Variants in CSMD2 observed in about 807,000 individuals in gnomAD.
The protein encoded by CSMD2 is CUB and sushi domain-containing protein 2.
CSMD2 carries 130 observed loss-of-function variants against 398.5 expected under a neutral mutation model. That is an observed-to-expected ratio of 0.33 (90% CI 0.28 to 0.38). The LOEUF (loss-of-function observed/expected upper bound fraction) is 0.38, where lower values mean the gene tolerates loss of function less well. Among genes scored for constraint, CSMD2 ranks in the 10% least tolerant of loss-of-function variants. The pLI, the probability that CSMD2 is intolerant of heterozygous loss-of-function variation, is 1.00. For synonymous variants in CSMD2, 1,828 were observed against 1,908.5 expected, an observed-to-expected ratio of 0.96 and a Z score of 1.10; for missense variants, 3,829 against 4,764.9, an observed-to-expected ratio of 0.80 and a Z score of 5.78.
chr1:33,658,097 C>G lies in CSMD2; in HGVS notation c.4296G>C (p.Gln1432His). Residue 1432 changes from glutamine to histidine, a missense_variant, in exon 27 of 71, where the codon CAG (glutamine) becomes CAC (histidine). By Grantham distance (24) the Gln-to-His change is conservative. Around this residue, in one of 5 missense-constraint regions of CSMD2, gnomAD observed 2,001 missense variants for 2,567.1 expected, o/e 0.78. Coordinates refer to ENST00000373381, the MANE Select transcript of CSMD2 (RefSeq NM_001281956.2). ...ATSCNDPGIP[Q>H]NGSRSGDSWE... ...AACTGTCACCACTCCGACTCCCATT[C>G]TGCGGGATCCCAGGGTCATTGCAGG... The G allele has an allele frequency of 6.2e-7, 1 of 1,614,220 alleles. No individual in the cohort carries two copies. The highest frequency in any genetic ancestry group is 8.5e-7 in the Non-Finnish European group (1 of 1,180,040).
chr1:33,565,428 C>T (rs767493457), intron 53 of CSMD2, among the ~76,000 whole-genome samples: 5 of 151,924 alleles, frequency 3.3e-5, no homozygotes, highest in Non-Finnish European at 7.4e-5. Context: ...GGACACACAA[C>T]CTCTTCCTTA....
chr1:34,006,569 C>G (rs1570785975), intron 3 of CSMD2, among the ~76,000 whole-genome samples: 2 of 149,164 alleles, frequency 1.3e-5, no homozygotes, highest in East Asian at 2.3e-4. Flanking sequence ...TTATCAAACA[C>G]TTCATTGTTT....
intron 5 of CSMD2, among the ~76,000 whole-genome samples, chr1:33,916,122 T>G (rs185756261): frequency 2.0e-5 from 3 of 152,314 alleles, no homozygotes; most frequent in Non-Finnish European, 2.9e-5. Context: ...AGACCTTGTA[T>G]ATTTTGGAGG....
intron 25 of CSMD2, among the ~76,000 whole-genome samples, chr1:33,664,998 A>G (rs555762415): frequency 1.1e-4 from 16 of 152,026 alleles, no homozygotes; most frequent in African/African-American, 3.6e-4. Flanking sequence ...TTACGAAAAT[A>G]CTCCCCCATC....
chr1:33,990,485 C>T (rs1414614349), intron 3 of CSMD2, among the ~76,000 whole-genome samples: 1 of 152,024 alleles, frequency 6.6e-6, no homozygotes, highest in African/African-American at 2.4e-5. Context: ...CATTACTCTC[C>T]CCTCACCCCA....
chr1:33,846,738 C>T (rs1311343723), intron 6 of CSMD2, 146 bp downstream of exon 6: 2 of 454,456 alleles, frequency 4.4e-6, no homozygotes, highest in Non-Finnish European at 3.9e-6. Context: ...TGCAAATCTG[C>T]AGACCTCTGG....
intron 5 of CSMD2, among the ~76,000 whole-genome samples, chr1:33,896,976 T>G (rs1642431913): frequency 1.4e-4 from 20 of 146,510 alleles, no homozygotes; most frequent in East Asian, 6.0e-4. Flanking sequence ...AGAGGGAGGG[T>G]AGGAGAAGGT....
At chr1:34,038,698 C>A (rs537758941) in intron 2 of CSMD2, among the ~76,000 whole-genome samples, 25 of 152,310 alleles carry the variant, frequency 1.6e-4, no homozygotes, top group African/African-American at 1.9e-4. Flanking sequence ...TCCAGCCCCC[C>A]AGTCTTCTTT....
At chr1:33,722,411 G>T (rs1299322346) in intron 19 of CSMD2, among the ~76,000 whole-genome samples, 1 of 152,228 alleles carries the variant, frequency 6.6e-6, no homozygotes, top group Non-Finnish European at 1.5e-5. Flanking sequence ...AATGTCAGCA[G>T]TCAATAGCAT....
Position 33,633,167 on chromosome 1 carries a change from G to T in CSMD2, c.5200+255C>A, listed in dbSNP as rs1642569544. ...AAGAAAAAAAGTTGCATCTGAATACGAACCAACAGGAGAAGGCTACACCAC... is the reference window on the plus strand; with the variant it reads ...AAGAAAAAAAGTTGCATCTGAATACTAACCAACAGGAGAAGGCTACACCAC... On this transcript the variant is annotated intron_variant, in intron 32 of 70. Coordinates refer to ENST00000373381, the MANE Select transcript of CSMD2 (RefSeq NM_001281956.2). The surrounding 1 kb of genome is among the most constrained non-coding windows in gnomAD (Gnocchi z 5.0). Among the ~76,000 whole-genome samples, 1 of 152,130 alleles carries T rather than the reference G, an allele frequency of 6.6e-6. No individual in the cohort carries two copies. Among genetic ancestry groups the T allele is most frequent in the Non-Finnish European group, 1.5e-5 (1 of 68,018 alleles).
chr1:33,725,611 T>G, intron 16 of CSMD2, 75 bp from the exon 17 acceptor site: 1 of 1,419,664 alleles, frequency 7.0e-7, no homozygotes, highest in Non-Finnish European at 9.9e-7. Context: ...AAGCCCTGCC[T>G]GACCCAGGGC....
chr1:34,082,285 C>G (rs1657292493), intron 2 of CSMD2, among the ~76,000 whole-genome samples: 1 of 146,582 alleles, frequency 6.8e-6, no homozygotes, highest in African/African-American at 2.5e-5. Flanking sequence ...CCCGGCTGCC[C>G]CGTCTGAGAA....
At chr1:33,965,048 C>T (rs764681496) in intron 3 of CSMD2, among the ~76,000 whole-genome samples, 1 of 152,242 alleles carries the variant, frequency 6.6e-6, no homozygotes, top group East Asian at 1.9e-4. Flanking sequence ...AGGCAGAGGG[C>T]TGCTTGGCCC....
At chr1:33,777,021 T>C (rs1225203670) in intron 12 of CSMD2, among the ~76,000 whole-genome samples, 1 of 151,828 alleles carries the variant, frequency 6.6e-6, no homozygotes, top group African/African-American at 2.4e-5. Flanking sequence ...AGGAGATCAG[T>C]GACAGTGATG....
chr1:33,939,452 G>A (rs1644593861), intron 3 of CSMD2, among the ~76,000 whole-genome samples: 1 of 152,150 alleles, frequency 6.6e-6, no homozygotes, highest in African/African-American at 2.4e-5. Context: ...TAAGGTGAGG[G>A]GAGGGAGCCA....
At chr1:33,534,372 G>C (rs1203547145) in intron 62 of CSMD2, among the ~76,000 whole-genome samples, 1 of 152,222 alleles carries the variant, frequency 6.6e-6, no homozygotes, top group African/African-American at 2.4e-5. Flanking sequence ...TATTGTGTGT[G>C]TGTTCCTTTC....
chr1:33,816,014 T>C (rs1217899067), intron 9 of CSMD2, among the ~76,000 whole-genome samples: 2 of 152,198 alleles, frequency 1.3e-5, no homozygotes, highest in Non-Finnish European at 2.9e-5. Flanking sequence ...CCTGTAATTA[T>C]CATGGCATTT....
rs1299538096 is a variant in CSMD2, at chr1:33,648,112, C to T, written c.4587-1277G>A. Among the ~76,000 whole-genome samples, 5 of 152,260 alleles carry T rather than the reference C, an allele frequency of 3.3e-5. No individual in the cohort carries two copies. In the East Asian group the frequency reaches 9.7e-4, roughly 29 times the overall value. On this transcript the variant is annotated intron_variant, in intron 28 of 70. Transcript: ENST00000373381. ...GCATGGTGGCTCATGCCTGTAATCC[C>T]AGCACTTTGGGAGGCTGAGGTGGGC...
At chr1:33,939,859 C>T (rs1189987378) in intron 3 of CSMD2, among the ~76,000 whole-genome samples, 1 of 152,176 alleles carries the variant, frequency 6.6e-6, no homozygotes, top group African/African-American at 2.4e-5. Flanking sequence ...GGGTTCAAAT[C>T]CCCGATCTGG....
Sources: gnomAD v4.1 joint callset for allele counts (sites outside exome capture counted in the v4.1 genomes callset) on GRCh38, gnomAD v4.1.1 for gene constraint, gnomAD v4.1.1 regional missense constraint, Gnocchi (gnomAD v3.1) non-coding constraint, MANE v1.5 for transcripts, NCBI Gene and HGNC (gene_info 2026-07-23, HGNC 2026-07-21) for gene names.